Variants in PTTG1IP2 observed in about 807,000 individuals in gnomAD.
The protein encoded by PTTG1IP2 is PTTG1IP family member 2.
intron 6 of PTTG1IP2, among the ~76,000 whole-genome samples, chr7:90,504,637 G>A (rs1798104234): frequency 6.6e-6 from 1 of 152,172 alleles, no homozygotes; most frequent in African/African-American, 2.4e-5. Context: ...TTGTGGACCT[G>A]TTGGTTTAGA....
At chr7:90,472,404 A>G (rs1797702305) in intron 1 of PTTG1IP2, among the ~76,000 whole-genome samples, 1 of 152,196 alleles carries the variant, frequency 6.6e-6, no homozygotes, top group Non-Finnish European at 1.5e-5. Context: ...AGAACAATCA[A>G]ACGAGAAATA....
intron 2 of PTTG1IP2, among the ~76,000 whole-genome samples, chr7:90,485,410 GT>G (rs1797862721): frequency 6.6e-6 from 1 of 152,074 alleles, no homozygotes; most frequent in Non-Finnish European, 1.5e-5. Context: ...ACTCTTGATG[GT>G]GTTTGAATAC....
At chr7:90,512,140 G>A (rs1798197343) in intron 6 of PTTG1IP2, among the ~76,000 whole-genome samples, 1 of 152,180 alleles carries the variant, frequency 6.6e-6, no homozygotes, top group Non-Finnish European at 1.5e-5. Flanking sequence ...GCTCCAAGTA[G>A]AATGGAGCTG....
chr7:90,474,430 A>G (rs1344030276), intron 1 of PTTG1IP2, among the ~76,000 whole-genome samples: 2 of 152,234 alleles, frequency 1.3e-5, no homozygotes, highest in Non-Finnish European at 2.9e-5. Context: ...AGATCAGACC[A>G]ATGGAGAAAG....
chr7:90,472,186 C>T (rs572079581), intron 1 of PTTG1IP2, among the ~76,000 whole-genome samples: 163 of 151,970 alleles, frequency 1.1e-3, no homozygotes, highest in Non-Finnish European at 1.9e-3. Flanking sequence ...CTGAACAGAG[C>T]TGTGCAAGCA....
intron 2 of PTTG1IP2, among the ~76,000 whole-genome samples, chr7:90,482,605 A>G (rs553070120): frequency 6.6e-6 from 1 of 152,170 alleles, no homozygotes; most frequent in South Asian, 2.1e-4. Context: ...CAGGCTAACT[A>G]AAAAAGGAGA....
chr7:90,510,972 A>C (rs2116137861), intron 6 of PTTG1IP2, among the ~76,000 whole-genome samples: 1 of 152,376 alleles, frequency 6.6e-6, no homozygotes, highest in East Asian at 1.9e-4. Context: ...TTTTGCAGAC[A>C]TCGGAGCTAT....
At chr7:90,510,318 A>G (rs1406765751) in intron 6 of PTTG1IP2, among the ~76,000 whole-genome samples, 1 of 152,238 alleles carries the variant, frequency 6.6e-6, no homozygotes, top group East Asian at 1.9e-4. Context: ...AAAAGTGCAA[A>G]TTGACTCCTT....
intron 6 of PTTG1IP2, among the ~76,000 whole-genome samples, chr7:90,495,687 G>C (rs191820419): frequency 6.6e-6 from 1 of 152,284 alleles, no homozygotes; most frequent in Non-Finnish European, 1.5e-5. Context: ...AGAATCTCTA[G>C]GGAAGAGACA....
chr7:90,481,262 A>G (rs1443769830), intron 2 of PTTG1IP2, among the ~76,000 whole-genome samples: 1 of 152,128 alleles, frequency 6.6e-6, no homozygotes, highest in Non-Finnish European at 1.5e-5. Flanking sequence ...ATGTTTTGAT[A>G]CAGGCATGCA....
chr7:90,497,186 C>A (rs575526490), intron 6 of PTTG1IP2, among the ~76,000 whole-genome samples: 1 of 152,254 alleles, frequency 6.6e-6, no homozygotes, highest in African/African-American at 2.4e-5. Context: ...AATCCCAACA[C>A]TTTGGGAGGT....
At chr7:90,503,370 G>A (rs1798083524) in intron 6 of PTTG1IP2, among the ~76,000 whole-genome samples, 1 of 152,156 alleles carries the variant, frequency 6.6e-6, no homozygotes, top group African/African-American at 2.4e-5. Flanking sequence ...TCATTTTTGG[G>A]TTCACTGGAA....
intron 6 of PTTG1IP2, among the ~76,000 whole-genome samples, chr7:90,506,592 G>C (rs1234271817): frequency 6.6e-6 from 1 of 152,076 alleles, no homozygotes; most frequent in African/African-American, 2.4e-5. Context: ...ATGAGACCCT[G>C]TCTCTACTAA....
At chr7:90,485,644 AG>A (rs962996962) in intron 2 of PTTG1IP2, among the ~76,000 whole-genome samples, 9 of 152,232 alleles carry the variant, frequency 5.9e-5, no homozygotes, top group Non-Finnish European at 1.3e-4. Flanking sequence ...CTGCTACCAA[AG>A]GAGTCTCTTT....
intron 3 of PTTG1IP2, among the ~76,000 whole-genome samples, chr7:90,488,659 T>A (rs1362203810): frequency 6.6e-6 from 1 of 152,018 alleles, no homozygotes; most frequent in Non-Finnish European, 1.5e-5. Flanking sequence ...AAATCAAATG[T>A]TAACTCCTCT....
chr7:90,471,231 T>C (rs767603099), intron 1 of PTTG1IP2, among the ~76,000 whole-genome samples: 3 of 152,164 alleles, frequency 2.0e-5, no homozygotes, highest in Non-Finnish European at 4.4e-5. Flanking sequence ...ATCATGATAC[T>C]TTTCACTTCC....
At chr7:90,476,127 T>TA (rs140172476) in intron 1 of PTTG1IP2, among the ~76,000 whole-genome samples, 1 of 151,918 alleles carries the variant, frequency 6.6e-6, no homozygotes, top group African/African-American at 2.4e-5. Flanking sequence ...TACTCAATAA[T>TA]ATCCAGCAAA....
intron 5 of PTTG1IP2, among the ~76,000 whole-genome samples, chr7:90,492,958 C>T (rs1018476588): frequency 1.3e-5 from 2 of 152,130 alleles, no homozygotes; most frequent in African/African-American, 4.8e-5. Flanking sequence ...GGCTGATCAC[C>T]CACAGTTCCT....
intron 6 of PTTG1IP2, among the ~76,000 whole-genome samples, chr7:90,508,402 G>A (rs904691629): frequency 6.6e-6 from 1 of 152,138 alleles, no homozygotes; most frequent in Non-Finnish European, 1.5e-5. Context: ...AGGTATCATG[G>A]TCTCCTACCT....
Sources: allele counts gnomAD v4.1 joint callset (sites outside exome capture counted in the v4.1 genomes callset), GRCh38; gene constraint gnomAD v4.1.1; transcripts MANE v1.5; gene names NCBI Gene and HGNC (gene_info 2026-07-23, HGNC 2026-07-21).